AUTS2: variants seen among roughly 807,000 people sequenced by gnomAD.
AUTS2 encodes the protein autism susceptibility gene 2 protein.
A neutral mutation model predicts 112.4 loss-of-function variants in AUTS2; 17 were observed. That is an observed-to-expected ratio of 0.15 (90% CI 0.10 to 0.23). The LOEUF is 0.23. Among genes scored for constraint, AUTS2 ranks in the 10% least tolerant of loss-of-function variants. The pLI is 1.00. For synonymous variants in AUTS2, 751 were observed against 702.7 expected (o/e 1.07, Z -1.09); for missense variants, 1,510 against 1,701.6 (o/e 0.89, Z 1.98).
intron 1 of AUTS2, among the ~76,000 whole-genome samples, chr7:69,667,855 C>T (rs1796140079): frequency 1.3e-5 from 2 of 152,218 alleles, no homozygotes; most frequent in South Asian, 4.1e-4. Flanking sequence ...CATCTCTCTA[C>T]AGCCTCACTT....
chr7:69,897,744 C>T (rs945617468), intron 1 of AUTS2, among the ~76,000 whole-genome samples: 6 of 151,950 alleles, frequency 3.9e-5, no homozygotes, highest in African/African-American at 7.3e-5. Flanking sequence ...GCAACAAGAG[C>T]GAACTCTGTC....
intron 1 of AUTS2, among the ~76,000 whole-genome samples, chr7:69,743,486 AT>A (rs1787355218): frequency 6.6e-6 from 1 of 152,062 alleles, no homozygotes; most frequent in Non-Finnish European, 1.5e-5. Flanking sequence ...TGGGACATGT[AT>A]TTTTTTCAAC....
At chr7:70,591,654 C>T (rs1342879906) in intron 5 of AUTS2, among the ~76,000 whole-genome samples, 1 of 152,144 alleles carries the variant, frequency 6.6e-6, no homozygotes, top group African/African-American at 2.4e-5. Context: ...CCGCCTCAGC[C>T]TCCGAAAGTG....
rs113791105 is a variant in AUTS2, at chr7:70,155,296, A to G, written c.660+20725A>G. 1.6e-3 allele frequency among the ~76,000 whole-genome samples: 251 copies of G among 152,236 alleles called. 6 individuals are homozygous for G. The highest frequency in any genetic ancestry group is 5.7e-3 in the African/African-American group (237 of 41,530). ...TCAGTCAGGATTCTACTTTCAAGAG[A>G]CAGTGCAAGGCTCCTAGGAAGTTGG... On this transcript the variant is annotated intron_variant, in intron 4 of 18. Coordinates refer to ENST00000342771, the MANE Select transcript of AUTS2 (RefSeq NM_015570.4).
chr7:70,621,927 A>G (rs1416750118), intron 5 of AUTS2, among the ~76,000 whole-genome samples: 3 of 133,624 alleles, frequency 2.2e-5, no homozygotes, highest in Non-Finnish European at 4.6e-5. Context: ...GCTCACTGCA[A>G]CTTCCACCTC....
chr7:70,429,747 GTTTTTC>G (rs967079969), intron 4 of AUTS2, among the ~76,000 whole-genome samples: 1 of 151,988 alleles, frequency 6.6e-6, no homozygotes, highest in Non-Finnish European at 1.5e-5. Flanking sequence ...ATATATATTT[GTTTTTC>G]TTTTTCATTT....
intron 5 of AUTS2, among the ~76,000 whole-genome samples, chr7:70,665,440 T>TATC (rs1807285904): frequency 7.3e-6 from 1 of 136,382 alleles, no homozygotes; most frequent in African/African-American, 3.0e-5. Context: ...TTTATTTATT[T>TATC]ATCTATTTAT....
chr7:70,143,469 T>G (rs180733119), intron 4 of AUTS2, among the ~76,000 whole-genome samples: 1 of 152,328 alleles, frequency 6.6e-6, no homozygotes, highest in East Asian at 1.9e-4. Context: ...AACACAAGGA[T>G]TGGCATTATA....
At chr7:70,660,924 C>A (rs187341554) in intron 5 of AUTS2, among the ~76,000 whole-genome samples, 8 of 152,294 alleles carry the variant, frequency 5.3e-5, no homozygotes, top group African/African-American at 1.7e-4. Flanking sequence ...CACTGAATCC[C>A]CATAACACTG....
chr7:70,726,243 A>G (rs1204337204), intron 6 of AUTS2, among the ~76,000 whole-genome samples: 2 of 152,046 alleles, frequency 1.3e-5, no homozygotes, highest in Admixed American at 1.3e-4. Flanking sequence ...GAGACAATGG[A>G]TGTGTTTATT....
intron 2 of AUTS2, among the ~76,000 whole-genome samples, chr7:69,942,042 T>C (rs915831906): frequency 3.3e-5 from 5 of 152,174 alleles, no homozygotes; most frequent in African/African-American, 7.2e-5. Flanking sequence ...GGTGGACATA[T>C]TGAGAATACG....
chr7:69,605,567 A>T (rs1792674126), intron 1 of AUTS2, among the ~76,000 whole-genome samples: 1 of 152,146 alleles, frequency 6.6e-6, no homozygotes. Context: ...GGCAACCTGT[A>T]AAAAAAGGTT....
chr7:69,997,483 G>A (rs996572088), intron 2 of AUTS2, among the ~76,000 whole-genome samples: 1 of 152,056 alleles, frequency 6.6e-6, no homozygotes, highest in Non-Finnish European at 1.5e-5. Flanking sequence ...TCCTATAAAC[G>A]AATACCTGAG....
At chr7:70,409,275 C>T (rs1452984722) in intron 4 of AUTS2, among the ~76,000 whole-genome samples, 2 of 152,134 alleles carry the variant, frequency 1.3e-5, no homozygotes, top group South Asian at 2.1e-4. Context: ...TAGGTACATG[C>T]ATGTACAAGT....
chr7:69,819,203 G>C (rs1790883831), intron 1 of AUTS2, among the ~76,000 whole-genome samples: 1 of 152,164 alleles, frequency 6.6e-6, no homozygotes, highest in Admixed American at 6.6e-5. Context: ...AGTGTCGATG[G>C]GTTTTCCTTT....
At chr7:70,639,050 C>G (rs992177068) in intron 5 of AUTS2, among the ~76,000 whole-genome samples, 1 of 152,150 alleles carries the variant, frequency 6.6e-6, no homozygotes, top group African/African-American at 2.4e-5. Flanking sequence ...TTAGCCCTGA[C>G]TTTTAAAATC....
chr7:70,783,997 G>C (rs1257682058), intron 15 of AUTS2: 4 of 151,934 alleles, frequency 2.6e-5, no homozygotes, highest in Non-Finnish European at 5.9e-5. Flanking sequence ...TCTTCAAGAA[G>C]TACACATTAG....
chr7:70,158,251 T>C (rs1807888421), intron 4 of AUTS2, among the ~76,000 whole-genome samples: 1 of 152,200 alleles, frequency 6.6e-6, no homozygotes, highest in Non-Finnish European at 1.5e-5. Flanking sequence ...ACTGAAGGGT[T>C]TCATGTTGTA....
At chr7:70,120,516 A>C (rs1299412157) in intron 3 of AUTS2, 2 of 152,158 alleles carry the variant, frequency 1.3e-5, no homozygotes, top group African/African-American at 4.8e-5. Flanking sequence ...TAATGTTTAA[A>C]TAGCTGTTTT....
Sources: allele counts gnomAD v4.1 joint callset (sites outside exome capture counted in the v4.1 genomes callset), GRCh38; gene constraint gnomAD v4.1.1; transcripts MANE v1.5; gene names NCBI Gene and HGNC (gene_info 2026-07-23, HGNC 2026-07-21).